The following PTPRM variants were observed in gnomAD, a reference collection of about 807,000 sequenced individuals.
PTPRM encodes protein tyrosine phosphatase receptor type M.
PTPRM carries 47 observed loss-of-function variants against 186.7 expected under a neutral mutation model. The observed-to-expected ratio is 0.25, with a 90% CI of 0.20 to 0.32. The LOEUF is 0.32. Ranked by LOEUF, PTPRM falls within the 10% of genes least tolerant of loss-of-function variation. The pLI is 1.00. For synonymous variants in PTPRM, 668 were observed against 674.9 expected (o/e 0.99, Z 0.16); for missense variants, 1,494 against 1,865.0 (o/e 0.80, Z 3.66).
chr18:7,764,232 A>G (rs925505391), intron 1 of PTPRM, among the ~76,000 whole-genome samples: 5 of 152,208 alleles, frequency 3.3e-5, no homozygotes, highest in Admixed American at 6.5e-5. Flanking sequence ...AATACAGTAC[A>G]ACTCATTGAT....
At chr18:8,117,539 T>C (rs1024742086) in intron 13 of PTPRM, among the ~76,000 whole-genome samples, 13 of 152,198 alleles carry the variant, frequency 8.5e-5, no homozygotes, top group Non-Finnish European at 1.8e-4. Context: ...TTTAATCATA[T>C]TCCAAAGACA....
In PTPRM at chr18:8,384,697, G is replaced by A; in HGVS notation, c.4044+11G>A. The A allele has an allele frequency of 3.1e-6, 5 of 1,613,796 alleles. No homozygotes were observed. Among genetic ancestry groups the A allele is most frequent in the Non-Finnish European group, 4.2e-6 (5 of 1,179,778 alleles). The stretch of plus-strand genomic sequence containing the variant: ...TACAATGCCGCCAGAGTAAGAGACG[G>A]GCCTGTCATGCCTGTGATTATGGTT... On this transcript the variant is annotated intron_variant, in intron 30 of 32. Transcript: ENST00000580170.
chr18:8,390,710 C>T (rs769503703), intron 31 of PTPRM, among the ~76,000 whole-genome samples: 79 of 152,178 alleles, frequency 5.2e-4, no homozygotes, highest in Non-Finnish European at 9.9e-4. Context: ...GGGTGGATCA[C>T]GAGATCAGGA....
At chr18:8,168,057 CT>C (rs1235314640) in intron 14 of PTPRM, among the ~76,000 whole-genome samples, 8 of 152,218 alleles carry the variant, frequency 5.3e-5, no homozygotes, top group African/African-American at 1.7e-4. Context: ...GAAATGGTCT[CT>C]GCTTCTCAAC....
chr18:8,124,236 A>G, intron 13 of PTPRM, among the ~76,000 whole-genome samples: 1 of 152,170 alleles, frequency 6.6e-6, no homozygotes, highest in Non-Finnish European at 1.5e-5. Flanking sequence ...CCAGTAAAAA[A>G]CTACTCTTGT....
intron 1 of PTPRM, among the ~76,000 whole-genome samples, chr18:7,630,962 G>A (rs1325128634): frequency 6.6e-6 from 1 of 152,192 alleles, no homozygotes; most frequent in Non-Finnish European, 1.5e-5. Flanking sequence ...TATGTGCCAT[G>A]TGAAAGTGAG....
intron 14 of PTPRM, among the ~76,000 whole-genome samples, chr18:8,202,607 T>G (rs2093873168): frequency 6.6e-6 from 1 of 151,938 alleles, no homozygotes; most frequent in African/African-American, 2.4e-5. Flanking sequence ...TTTTTAATGG[T>G]AAGAAATTGG....
intron 1 of PTPRM, among the ~76,000 whole-genome samples, chr18:7,732,108 G>A (rs959394843): frequency 6.6e-6 from 1 of 152,174 alleles, no homozygotes; most frequent in African/African-American, 2.4e-5. Flanking sequence ...AATGGTGTAA[G>A]CAAGTAGAAT....
chr18:7,861,918 C>T (rs142199741), intron 2 of PTPRM, among the ~76,000 whole-genome samples: 1 of 152,026 alleles, frequency 6.6e-6, no homozygotes, highest in Admixed American at 6.6e-5. Flanking sequence ...GGGGAAAAAC[C>T]CTCTCCTTAA....
intron 14 of PTPRM, among the ~76,000 whole-genome samples, chr18:8,149,214 TTCTGTCTAATTGA>T (rs1177068978): frequency 6.6e-6 from 1 of 152,214 alleles, no homozygotes; most frequent in African/African-American, 2.4e-5. Flanking sequence ...CTTGTTAATT[TTCTGTCTAATTGA>T]TCTGTCTAAT....
chr18:8,194,885 G>A (rs924855760), intron 14 of PTPRM, among the ~76,000 whole-genome samples: 2 of 152,192 alleles, frequency 1.3e-5, no homozygotes, highest in Non-Finnish European at 2.9e-5. Flanking sequence ...GATCTGAGCT[G>A]CACTCGCCTC....
intron 2 of PTPRM, among the ~76,000 whole-genome samples, chr18:7,869,564 C>T (rs2047884095): frequency 2.6e-5 from 4 of 152,160 alleles, no homozygotes; most frequent in Admixed American, 2.6e-4. Context: ...AGCTGGGTAC[C>T]TCAGTTGGAA....
chr18:8,098,261 T>C (rs2091108755), intron 11 of PTPRM, among the ~76,000 whole-genome samples: 1 of 152,212 alleles, frequency 6.6e-6, no homozygotes, highest in South Asian at 2.1e-4. Flanking sequence ...GGCTAAACAT[T>C]ATGTAAAACA....
rs114818630 is a variant in PTPRM, at chr18:7,712,210, G to A, written c.74-61939G>A. 8.1e-3 allele frequency among the ~76,000 whole-genome samples: 1,240 copies of A among 152,258 alleles called. 20 individuals carry two copies. Among genetic ancestry groups the A allele is most frequent in the African/African-American group, 0.028 (1,179 of 41,540 alleles). On this transcript the variant is annotated intron_variant, in intron 1 of 32. Coordinates refer to ENST00000580170, the MANE Select transcript of PTPRM (RefSeq NM_001105244.2). Reference sequence around the variant, plus strand: ...TTCCGTAGCCTCTGCTGGTACCCAGGCAAAACAGGGTCTGGAGCGGATCTC... The same window carrying A: ...TTCCGTAGCCTCTGCTGGTACCCAGACAAAACAGGGTCTGGAGCGGATCTC...
At chr18:8,288,565 C>A (rs1158507591) in intron 19 of PTPRM, among the ~76,000 whole-genome samples, 2 of 152,212 alleles carry the variant, frequency 1.3e-5, no homozygotes, top group African/African-American at 4.8e-5. Flanking sequence ...CTGCGTCAGT[C>A]TCTATAATCC....
Position 7,866,625 on chromosome 18 carries a change from A to T in PTPRM, c.197-21481A>T, listed in dbSNP as rs145762174. ...CTTCCAATTATGTGGTCAATTTTAGAATAAGTGTGATGTGCTGCTGAGAAA... is the reference window on the plus strand; with the variant it reads ...CTTCCAATTATGTGGTCAATTTTAGTATAAGTGTGATGTGCTGCTGAGAAA... On this transcript the variant is annotated intron_variant, in intron 2 of 32. Coordinates refer to ENST00000580170, the MANE Select transcript of PTPRM (RefSeq NM_001105244.2). Among the ~76,000 whole-genome samples, 1,076 of 152,256 alleles carry T rather than the reference A, an allele frequency of 7.1e-3. 7 individuals are homozygous for T. Among genetic ancestry groups the T allele is most frequent in the African/African-American group, 0.025 (1,043 of 41,540 alleles).
intron 7 of PTPRM, among the ~76,000 whole-genome samples, chr18:8,001,804 C>T (rs903035666): frequency 2.0e-5 from 3 of 152,112 alleles, no homozygotes; most frequent in East Asian, 1.9e-4. Context: ...CCATGTCAGG[C>T]GTTTGGAAAG....
chr18:8,052,291 C>T (rs2087560391), intron 7 of PTPRM, among the ~76,000 whole-genome samples: 1 of 152,238 alleles, frequency 6.6e-6, no homozygotes, highest in South Asian at 2.1e-4. Context: ...GGGATGAGGC[C>T]TAGAGAGTTT....
intron 1 of PTPRM, among the ~76,000 whole-genome samples, chr18:7,654,031 C>G (rs888904965): frequency 6.6e-6 from 1 of 152,146 alleles, no homozygotes; most frequent in African/African-American, 2.4e-5. Context: ...GAGATGGTAT[C>G]TCACTGTGGT....
Sources: gnomAD v4.1 joint callset for allele counts (sites outside exome capture counted in the v4.1 genomes callset) on GRCh38, gnomAD v4.1.1 for gene constraint, MANE v1.5 for transcripts, NCBI Gene and HGNC (gene_info 2026-07-23, HGNC 2026-07-21) for gene names.